ATG7: variants seen among roughly 807,000 people sequenced by gnomAD.
ATG7 encodes ubiquitin-like modifier-activating enzyme ATG7.
A neutral mutation model predicts 82.4 loss-of-function variants in ATG7; 70 were observed. That is an observed-to-expected ratio of 0.85 (90% CI 0.70 to 1.04). ATG7 has a LOEUF of 1.04. ATG7 is among the 50% of genes least tolerant of loss of function. The probability of loss-of-function intolerance (pLI) is 0.00; values close to 1 mark genes in which losing one functional copy is unlikely to be tolerated. For synonymous variants in ATG7, 287 were observed against 313.0 expected (o/e 0.92, Z 0.88); for missense variants, 792 against 864.3 (o/e 0.92, Z 1.05).
At chr3:11,550,724 C>G (rs1441548420) in intron 20 of ATG7, among the ~76,000 whole-genome samples, 1 of 152,014 alleles carries the variant, frequency 6.6e-6, no homozygotes, top group African/African-American at 2.4e-5. Context: ...TGTCTATTAC[C>G]GAGATGAGCC....
intron 14 of ATG7, among the ~76,000 whole-genome samples, chr3:11,353,889 AAC>A (rs1285674757): frequency 6.6e-6 from 1 of 152,158 alleles, no homozygotes; most frequent in Admixed American, 6.5e-5. Context: ...GAAATGGACT[AAC>A]ACAGGAAATA....
rs71626995 is a variant in ATG7 at position 11,277,891 on chromosome 3, A to ACCCCCCCCCCCCC, written c.-365-3102_-365-3090dup. Among the ~76,000 whole-genome samples the ACCCCCCCCCCCCC allele has an allele frequency of 2.1e-4, 13 of 60,788 alleles. 1 individual carries two copies. Among genetic ancestry groups the ACCCCCCCCCCCCC allele is most frequent in the Admixed American group, 8.1e-4 (3 of 3,682 alleles). The allele number at this position is 60,788 out of a possible 152,430, so 39.9% of individuals were successfully genotyped here. A position where few individuals can be genotyped will look rare whatever the true frequency, so the allele number is the denominator to read the frequency against. Reference sequence around the variant, plus strand: ...ACACTCCCAGAGCGGCCCTTTATAGACCCCCCCCCCCCCACCAGGAATGCA... The same window carrying ACCCCCCCCCCCCC: ...ACACTCCCAGAGCGGCCCTTTATAGACCCCCCCCCCCCCCCCCCCCCCCCCCACCAGGAATGCA... On this transcript the variant is annotated intron_variant, in intron 1 of 20. Transcript: ENST00000693202.
At chr3:11,369,851 C>T (rs1469704659) in intron 18 of ATG7, among the ~76,000 whole-genome samples, 5 of 151,108 alleles carry the variant, frequency 3.3e-5, no homozygotes, top group East Asian at 1.9e-4. Flanking sequence ...TTAGGAGGTG[C>T]GTGTTTAGGA....
the ATG7 span, among the ~76,000 whole-genome samples, chr3:11,571,426 G>C: frequency 6.6e-6 from 1 of 152,206 alleles, no homozygotes; most frequent in African/African-American, 2.4e-5. Context: ...ACTCACGCCT[G>C]TAATCCCAGC....
Position 11,328,736 on chromosome 3 carries a change from A to G in ATG7, c.679-2604A>G, listed in dbSNP as rs943647476. Among the ~76,000 whole-genome samples the G allele has an allele frequency of 2.6e-5, 4 of 152,220 alleles. No homozygotes were observed. In the South Asian group the frequency reaches 6.2e-4, roughly 24 times the overall value. ...GAATGCCATTCAGCCATTACTCACAATGGTTATAGAACATTTACTAGCATA... is the reference window on the plus strand; with the variant it reads ...GAATGCCATTCAGCCATTACTCACAGTGGTTATAGAACATTTACTAGCATA... On this transcript the variant is annotated intron_variant, in intron 9 of 20. Transcript: ENST00000693202.
intron 19 of ATG7, among the ~76,000 whole-genome samples, chr3:11,408,846 GAC>G (rs1303258479): frequency 6.6e-6 from 1 of 152,106 alleles, no homozygotes; most frequent in Non-Finnish European, 1.5e-5. Flanking sequence ...TTTGGGTGGG[GAC>G]ACAGCAAATC....
intron 3 of ATG7, among the ~76,000 whole-genome samples, chr3:11,291,427 C>T (rs756266430): frequency 1.1e-4 from 17 of 152,276 alleles, no homozygotes; most frequent in Non-Finnish European, 2.1e-4. Context: ...AATATAGTGA[C>T]GAGAACAGGG....
chr3:11,417,717 GTTC>G (rs2081487828), intron 19 of ATG7, among the ~76,000 whole-genome samples: 1 of 147,224 alleles, frequency 6.8e-6, no homozygotes, highest in Non-Finnish European at 1.5e-5. Context: ...TGTCACCTTT[GTTC>G]TTTTTTGCTA....
rs191286062 is a variant in ATG7, at chr3:11,510,205, G to A, written c.2080-44606G>A. ...TTCAGGATCATCTTTCTTTCATCCG[G>A]CCCAAGAATGGCACCTTCCCCGCCC... On this transcript the variant is annotated intron_variant, in intron 20 of 20. Coordinates refer to ENST00000693202, the MANE Select transcript of ATG7 (RefSeq NM_001349232.2). The A allele has an allele frequency of 1.1e-5, 5 of 456,352 alleles. No individual in the cohort carries two copies. In the Admixed American group the frequency reaches 1.2e-4, roughly 11 times the overall value. 28.3% of individuals were successfully genotyped at this position (456,352 alleles called of 1,614,324 possible).
At position 11,546,162 on chromosome 3, in the gene ATG7, A is replaced by ATTTTT. The variant is rs36042370; in HGVS notation, c.2080-8626_2080-8622dup. Among the ~76,000 whole-genome samples the ATTTTT allele has an allele frequency of 6.8e-3, 467 of 68,892 alleles. 58 individuals are homozygous for ATTTTT. Among genetic ancestry groups the ATTTTT allele is most frequent in the African/African-American group, 0.026 (447 of 17,076 alleles). 45.2% of individuals were successfully genotyped at this position (68,892 alleles called of 152,430 possible). A position where few individuals can be genotyped will look rare whatever the true frequency, so the allele number is the denominator to read the frequency against. Reference sequence around the variant, plus strand: ...AAAAGTAAAGAAATGCCAAAACTGGATTTTTTTTTTTTTTTTTTTTTTTTT... The same window carrying ATTTTT: ...AAAAGTAAAGAAATGCCAAAACTGGATTTTTTTTTTTTTTTTTTTTTTTTTTTTTT... On this transcript the variant is annotated intron_variant, in intron 20 of 20. Transcript: ENST00000693202.
chr3:11,336,036 ATTTTTTTT>A (rs541306159), intron 11 of ATG7, among the ~76,000 whole-genome samples: 1 of 111,696 alleles, frequency 9.0e-6, no homozygotes, highest in African/African-American at 3.7e-5. Context: ...GTGCCCGGTC[ATTTTTTTT>A]TTTTTTTTTT....
chr3:11,559,978 G>A (rs1290987454), downstream of ATG7, among the ~76,000 whole-genome samples: 1 of 152,044 alleles, frequency 6.6e-6, no homozygotes, highest in East Asian at 1.9e-4. Context: ...GGAAATGGAG[G>A]AAATATGCCT....
intron 20 of ATG7, among the ~76,000 whole-genome samples, chr3:11,441,479 T>C (rs576493100): frequency 6.6e-6 from 1 of 151,918 alleles, no homozygotes; most frequent in Non-Finnish European, 1.5e-5. Context: ...CGTGACCTCA[T>C]GATCCACCCA....
chr3:11,448,617 C>G (rs1171088959), intron 20 of ATG7, among the ~76,000 whole-genome samples: 1 of 152,162 alleles, frequency 6.6e-6, no homozygotes, highest in Non-Finnish European at 1.5e-5. Flanking sequence ...ATCATGGGCC[C>G]CTGTGGATTA....
intron 18 of ATG7, among the ~76,000 whole-genome samples, chr3:11,374,013 A>C (rs1292905913): frequency 6.6e-6 from 1 of 152,202 alleles, no homozygotes; most frequent in African/African-American, 2.4e-5. Context: ...CTGTGCTATG[A>C]GTAAATACAA....
intron 16 of ATG7, 132 bp downstream of exon 16, chr3:11,360,916 G>T: frequency 9.6e-7 from 1 of 1,039,194 alleles, no homozygotes. Flanking sequence ...CTCCAATTTG[G>T]GGAGGATGGC....
chr3:11,338,927 A>G (rs534397808), intron 11 of ATG7, among the ~76,000 whole-genome samples: 4 of 152,296 alleles, frequency 2.6e-5, no homozygotes, highest in East Asian at 1.9e-4. Flanking sequence ...TTAAATGTCA[A>G]CAGCTGAAAA....
intron 19 of ATG7, among the ~76,000 whole-genome samples, chr3:11,406,615 C>T (rs185092280): frequency 6.6e-6 from 1 of 152,296 alleles, no homozygotes; most frequent in East Asian, 1.9e-4. Context: ...CAAGACTGGG[C>T]AGTTTACAAA....
At chr3:11,332,854 A>G (rs1301353345) in intron 10 of ATG7, 118 bp from the exon 11 acceptor site, 8 of 1,076,492 alleles carry the variant, frequency 7.4e-6, no homozygotes, top group East Asian at 3.1e-5. Flanking sequence ...TCAGAGAGGC[A>G]TAATTAGAAT....
Sources: allele counts gnomAD v4.1 joint callset (sites outside exome capture counted in the v4.1 genomes callset), GRCh38; gene constraint gnomAD v4.1.1; transcripts MANE v1.5; gene names NCBI Gene and HGNC (gene_info 2026-07-23, HGNC 2026-07-21).